The following AKAP11 variants were observed in gnomAD, a reference collection of about 807,000 sequenced individuals.
AKAP11 encodes A-kinase anchor protein 11.
A neutral mutation model predicts 146.1 loss-of-function variants in AKAP11; 36 were observed. That is an observed-to-expected ratio of 0.25 (90% CI 0.19 to 0.33). The LOEUF (loss-of-function observed/expected upper bound fraction) is 0.33. Among genes scored for constraint, AKAP11 ranks in the 10% least tolerant of loss-of-function variants. The probability of loss-of-function intolerance (pLI) is 1.00; values close to 1 mark genes in which losing one functional copy is unlikely to be tolerated. For synonymous variants in AKAP11, 780 were observed against 786.5 expected (o/e 0.99, Z 0.14); for missense variants, 2,201 against 2,197.0 (o/e 1.00, Z -0.04).
chr13:42,316,163 T>C (rs1960812080), intron 11 of AKAP11, among the ~76,000 whole-genome samples: 2 of 152,066 alleles, frequency 1.3e-5, no homozygotes, highest in Non-Finnish European at 2.9e-5. Context: ...TTTTAGAGAG[T>C]AATGTGGACC....
At chr13:42,312,901 G>T in intron 9 of AKAP11, 146 bp from the exon 10 acceptor site, 1 of 661,034 alleles carries the variant, frequency 1.5e-6, no homozygotes, top group Non-Finnish European at 2.6e-6. Context: ...AGGAGTGATG[G>T]TCAATCTCCT....
intron 8 of AKAP11, among the ~76,000 whole-genome samples, chr13:42,308,161 A>G (rs1284133255): frequency 6.6e-6 from 1 of 152,184 alleles, no homozygotes; most frequent in Non-Finnish European, 1.5e-5. Context: ...CTCAGTTGAA[A>G]AATGAACTGC....
In AKAP11 at chr13:42,299,366, T is replaced by C. The variant is rs776809177; in HGVS notation, c.620T>C (p.Met207Thr). 5 of 1,592,246 alleles carry C rather than the reference T, an allele frequency of 3.1e-6. No homozygotes were observed. Among genetic ancestry groups the C allele is most frequent in the Non-Finnish European group, 3.4e-6 (4 of 1,171,840 alleles). ...EETSKPYNDG[M>T]NITVLRSQCD... ...CCATTTCATTCTTTTCCTATAGGAATGAACATTACTGTGCTAAGGAGCCAG... is the reference window on the plus strand; with the variant it reads ...CCATTTCATTCTTTTCCTATAGGAACGAACATTACTGTGCTAAGGAGCCAG... Residue 207 changes from methionine to threonine, a missense_variant, in exon 8 of 13, where the codon ATG becomes ACG. Physicochemically the swap from Met to Thr is moderately conservative, Grantham distance 81. Coordinates refer to ENST00000025301, the MANE Select transcript of AKAP11 (RefSeq NM_016248.4).
In AKAP11 at chr13:42,322,654, A is replaced by C. The variant is rs973756892; in HGVS notation, c.*3426A>C. 1 of 152,316 alleles carries C rather than the reference A, an allele frequency of 6.6e-6. No homozygotes were observed. The highest frequency in any genetic ancestry group is 2.4e-5 in the African/African-American group (1 of 41,452). The allele number at this position is 152,316 out of a possible 1,614,324, so 9.4% of individuals were successfully genotyped here. A position where few individuals can be genotyped will look rare whatever the true frequency, so the allele number is the denominator to read the frequency against. ...GTGAGAATTTAGAAAAATTATACTA[A>C]AGTGAGATGCATTTTTTCTCATTTT... On this transcript the variant is annotated 3_prime_UTR_variant, in exon 13 of 13. Transcript: ENST00000025301.
intron 11 of AKAP11, among the ~76,000 whole-genome samples, chr13:42,316,378 T>G (rs965084937): frequency 6.6e-6 from 1 of 152,262 alleles, no homozygotes; most frequent in African/African-American, 2.4e-5. Flanking sequence ...GGTCCTGGTC[T>G]CAGCACTCCT....
At chr13:42,308,310 A>T (rs1483121980) in intron 8 of AKAP11, 144 bp from the exon 9 acceptor site, 4 of 646,810 alleles carry the variant, frequency 6.2e-6, no homozygotes, top group Non-Finnish European at 1.0e-5. Context: ...TGGCAGACTC[A>T]AATAAAGGAT....
intron 3 of AKAP11, among the ~76,000 whole-genome samples, chr13:42,286,813 T>C (rs957139539): frequency 2.0e-5 from 3 of 152,236 alleles, no homozygotes; most frequent in African/African-American, 7.2e-5. Context: ...CTTAATCCTT[T>C]CTTCCTTCTA....
chr13:42,280,637 G>A (rs1959039541), intron 1 of AKAP11, among the ~76,000 whole-genome samples: 1 of 152,178 alleles, frequency 6.6e-6, no homozygotes, highest in Admixed American at 6.5e-5. Context: ...ACTTACAACA[G>A]GAGGGAAGTA....
At chr13:42,276,675 A>C (rs238352) in intron 1 of AKAP11, among the ~76,000 whole-genome samples, 5 of 152,206 alleles carry the variant, frequency 3.3e-5, no homozygotes, top group Non-Finnish European at 4.4e-5. Context: ...TTAAAACCTT[A>C]AAGTTATTTT....
At chr13:42,312,895 G>GT in intron 9 of AKAP11, 152 bp from the exon 10 acceptor site, 1 of 646,772 alleles carries the variant, frequency 1.5e-6, no homozygotes, top group Non-Finnish European at 2.7e-6. Flanking sequence ...TAGCATAGGA[G>GT]TGATGGTCAA....
intron 1 of AKAP11, among the ~76,000 whole-genome samples, chr13:42,276,748 T>C (rs968943638): frequency 6.6e-6 from 1 of 152,224 alleles, no homozygotes; most frequent in African/African-American, 2.4e-5. Flanking sequence ...GTGTGGGCTT[T>C]TGGGTGCTTC....
chr13:42,313,936 A>G lies in AKAP11; in HGVS notation c.5400A>G (p.Val1800=), dbSNP rs971053017. 1.9e-6 allele frequency: 3 copies of G among 1,613,560 alleles called. No homozygotes were observed. Among genetic ancestry groups the G allele is most frequent in the African/African-American group, 2.7e-5 (2 of 75,036 alleles). The change falls in exon 11 of 13, where the codon GTA becomes GTG. Residue 1800 remains valine, a synonymous_variant. Transcript: ENST00000025301. ...AAGATGAAGAGCATGAGGACGAAGT[A>G]GAAGGTAATTTGATTTGTTTTTCAA... ...DDKDEEHEDE[V]EGLGQDGKTL...
In AKAP11 at chr13:42,317,521, A is replaced by C. The variant is rs199752184; in HGVS notation, c.5405-7A>C. The C allele has an allele frequency of 6.2e-6, 10 of 1,609,810 alleles. No homozygotes were observed. The highest frequency in any genetic ancestry group is 1.7e-4 in the Middle Eastern group (1 of 6,040). On this transcript the variant is annotated splice_polypyrimidine_tract_variant and splice_region_variant and intron_variant, in intron 11 of 12. Coordinates refer to ENST00000025301, the MANE Select transcript of AKAP11 (RefSeq NM_016248.4). ...TTTACTTTATATTGTTTACATTTAA[A>C]TATTAGGTTTGGGGCAAGATGGAAA...
At chr13:42,303,894 G>T in intron 8 of AKAP11, 31 bp downstream of exon 8, 1 of 1,529,850 alleles carries the variant, frequency 6.5e-7, no homozygotes, top group South Asian at 1.3e-5. Flanking sequence ...GGTTGTTAAT[G>T]ATAAATTAAA....
intron 1 of AKAP11, among the ~76,000 whole-genome samples, chr13:42,272,628 A>G (rs1345972750): frequency 2.0e-5 from 3 of 152,188 alleles, no homozygotes; most frequent in Non-Finnish European, 4.4e-5. Context: ...GTGTGCGCAC[A>G]GGAACATTTG....
In AKAP11 at chr13:42,300,417, T is replaced by C. The variant is rs1959797501; in HGVS notation, c.1671T>C (p.Leu557=). The C allele has an allele frequency of 4.3e-6, 7 of 1,613,172 alleles. No homozygotes were observed. In the East Asian group the frequency reaches 1.6e-4, roughly 36 times the overall value. Residue 557 remains leucine (L), a synonymous_variant, in exon 8 of 13, where the codon CTT becomes CTC. Transcript: ENST00000025301. ...GCATTCAAAAATTTGCAGCAGATCT[T>C]GTGGAAAAAAGTTTTGGCAGTGCAT... ...KDSIQKFAAD[L]VEKSFGSAFK... is the part of the protein sequence containing the mutation.
intron 11 of AKAP11, 107 bp downstream of exon 11, chr13:42,314,047 CA>C: frequency 9.2e-7 from 1 of 1,082,656 alleles, no homozygotes; most frequent in Non-Finnish European, 1.3e-6. Context: ...CAGTGTAAAA[CA>C]TTATAAATCA....
In AKAP11 at chr13:42,300,278, C is replaced by T. The variant is rs143140014; in HGVS notation, c.1532C>T (p.Thr511Ile). 9.9e-6 allele frequency: 16 copies of T among 1,613,606 alleles called. No individual in the cohort carries two copies. The African/African-American group carries it at 1.9e-4, about 19-fold the overall frequency. The stretch of plus-strand genomic sequence containing the variant: ...GTTCTTCGTACCCACCATACTAATA[C>T]CCTATCAAATATTAACAGTATTAAA... The part of the protein sequence containing the change: ...GSVLRTHHTN[T>I]LSNINSIKHG... Residue 511 changes from threonine (T) to isoleucine (I), a missense_variant, in exon 8 of 13, where the codon ACC becomes ATC. Coordinates refer to ENST00000025301, the MANE Select transcript of AKAP11 (RefSeq NM_016248.4).
In AKAP11 at chr13:42,301,582, A is replaced by G. The variant is rs751103432; in HGVS notation, c.2836A>G (p.Ile946Val). The change falls in exon 8 of 13, where the codon ATT (isoleucine) becomes GTT (valine). Residue 946 changes from isoleucine to valine, a missense_variant. Ile to Val is a conservative substitution (Grantham distance 29, BLOSUM62 3). This residue lies in a region of AKAP11 where 1,867 missense variants were observed against 1,833.5 expected (regional missense o/e 1.02). Transcript: ENST00000025301. The part of the protein sequence containing the change: ...DMFADRLSKS[I>V]IKHSIDKSKS... ...GTTTGCTGACCGGTTATCTAAATCTATTATTAAACATTCCATAGATAAGAG... is the reference window on the plus strand; with the variant it reads ...GTTTGCTGACCGGTTATCTAAATCTGTTATTAAACATTCCATAGATAAGAG... The G allele has an allele frequency of 2.6e-5, 42 of 1,614,026 alleles. No homozygotes were observed. The Admixed American group carries it at 2.8e-4, about 11-fold the overall frequency.
Sources: allele counts gnomAD v4.1 joint callset (sites outside exome capture counted in the v4.1 genomes callset), GRCh38; gene constraint gnomAD v4.1.1; regional missense constraint gnomAD v4.1.1; transcripts MANE v1.5; gene names NCBI Gene and HGNC (gene_info 2026-07-23, HGNC 2026-07-21).